TIMM17A: variants seen among roughly 807,000 people sequenced by gnomAD.
TIMM17A encodes the protein translocase of inner mitochondrial membrane 17A.
A neutral mutation model predicts 26.5 loss-of-function variants in TIMM17A; 15 were observed. That is an observed-to-expected ratio of 0.57 (90% CI 0.38 to 0.87). TIMM17A has a LOEUF of 0.87. TIMM17A is among the 40% of genes least tolerant of loss of function. TIMM17A has a pLI of 0.00. For missense variants in TIMM17A, 201 were observed against 210.0 expected (o/e 0.96, Z 0.27); for synonymous variants, 80 against 70.8 (o/e 1.13, Z -0.66).
intron 5 of TIMM17A, among the ~76,000 whole-genome samples, chr1:201,968,243 C>T (rs573333244): frequency 6.6e-6 from 1 of 151,532 alleles, no homozygotes; most frequent in South Asian, 2.1e-4. Flanking sequence ...CCTCGTGATC[C>T]GCCCGCCTTG....
At chr1:201,968,083 G>A (rs1222564418) in intron 5 of TIMM17A, among the ~76,000 whole-genome samples, 11 of 152,060 alleles carry the variant, frequency 7.2e-5, no homozygotes, top group Non-Finnish European at 1.5e-5. Context: ...TGCACCCTCC[G>A]CCTCCGGGGT....
Position 201,959,325 on chromosome 1 carries a change from C to A in TIMM17A, c.190+1751C>A, listed in dbSNP as rs182331948. Among the ~76,000 whole-genome samples, 924 of 151,532 alleles carry A rather than the reference C, an allele frequency of 6.1e-3. 12 individuals are homozygous for A. Among genetic ancestry groups the A allele is most frequent in the African/African-American group, 0.021 (877 of 41,268 alleles). On this transcript the variant is annotated intron_variant, in intron 3 of 5. Transcript: ENST00000367287. Reference sequence around the variant, plus strand: ...GAGCCGAGATTGCACCACTGTACTCCAGGCGGGGTGACAGAGCAAGACTCT... The same window carrying A: ...GAGCCGAGATTGCACCACTGTACTCAAGGCGGGGTGACAGAGCAAGACTCT...
Position 201,965,518 on chromosome 1 carries a change from A to G in TIMM17A, c.405A>G (p.Arg135=). The G allele has an allele frequency of 6.2e-7, 1 of 1,613,836 alleles. No individual in the cohort carries two copies. Among genetic ancestry groups the G allele is most frequent in the South Asian group, 1.1e-5 (1 of 91,072 alleles). The change falls in exon 5 of 6, where the codon AGA becomes AGG. Residue 135 remains arginine, a synonymous_variant. Transcript: ENST00000367287. ...LIEGAGILLT[R]FASAQFPNGP... is the part of the protein sequence containing the mutation. Reference sequence around the variant, plus strand: ...AAGGAGCTGGTATCTTGTTGACAAGATTTGCCTCTGCACAGTTTCCCAATG... The same window carrying G: ...AAGGAGCTGGTATCTTGTTGACAAGGTTTGCCTCTGCACAGTTTCCCAATG...
At chr1:201,963,501 ATTTG>A in intron 3 of TIMM17A, 111 bp from the exon 4 acceptor site, 3 of 1,030,768 alleles carry the variant, frequency 2.9e-6, no homozygotes, top group East Asian at 2.6e-5. Context: ...GTTTGCATGT[ATTTG>A]TTTGGACTAT....
chr1:201,956,992 G>A (rs1400370476), intron 1 of TIMM17A, among the ~76,000 whole-genome samples: 4 of 151,790 alleles, frequency 2.6e-5, no homozygotes, highest in African/African-American at 9.7e-5. Flanking sequence ...AAAATAATGG[G>A]TTTTCATTTA....
At chr1:201,965,372 T>G in intron 4 of TIMM17A, 61 bp from the exon 5 acceptor site, 1 of 1,186,282 alleles carries the variant, frequency 8.4e-7, no homozygotes, top group Non-Finnish European at 1.3e-6. Context: ...TCTTCTTTAC[T>G]ATCTCTTACA....
chr1:201,967,020 TATATATA>T (rs1328417894), intron 5 of TIMM17A, among the ~76,000 whole-genome samples: 1 of 123,594 alleles, frequency 8.1e-6, no homozygotes, highest in African/African-American at 3.0e-5. Context: ...TGTGTGTATA[TATATATA>T]GTGAGGATAG....
chr1:201,969,467 A>G lies in TIMM17A; in HGVS notation c.431-2A>G. The G allele has an allele frequency of 6.2e-7, 1 of 1,610,340 alleles. No individual in the cohort carries two copies. Among genetic ancestry groups the G allele is most frequent in the African/African-American group, 1.3e-5 (1 of 74,970 alleles). On this transcript the variant is annotated splice_acceptor_variant, in intron 5 of 5. Transcript: ENST00000367287. LOFTEE classifies it high-confidence loss of function. ...TAAATCCTTTTTATTTCTCACTTGC[A>G]GGTCCTCAGTTTGCAGAAGACCCCT... is the stretch of plus-strand genomic sequence containing the variant.
chr1:201,964,635 CTTTTTTTTTTTTTTTTTT>C (rs570309464), intron 4 of TIMM17A, among the ~76,000 whole-genome samples: 1 of 90,954 alleles, frequency 1.1e-5, no homozygotes, highest in Non-Finnish European at 2.0e-5. Flanking sequence ...TATTTTATTT[CTTTTTTTTTTTTTTTTTT>C]TTTTTTTTTT....
intron 1 of TIMM17A, 151 bp from the exon 2 acceptor site, chr1:201,957,129 AT>A: frequency 1.7e-6 from 1 of 592,544 alleles, no homozygotes; most frequent in Middle Eastern, 2.9e-4. Context: ...TGATTACAGC[AT>A]TTCCTCAAGT....
Position 201,970,465 on chromosome 1 carries a change from G to A in TIMM17A, c.*911G>A, listed in dbSNP as rs530781856. On this transcript the variant is annotated 3_prime_UTR_variant, in exon 6 of 6. Coordinates refer to ENST00000367287, the MANE Select transcript of TIMM17A (RefSeq NM_006335.3). The stretch of plus-strand genomic sequence containing the variant: ...ATTGGAAGTGACATGTGGCCCTATA[G>A]GAGGCATGATGTTAGTTAATTACAC... The A allele has an allele frequency of 3.3e-5, 5 of 152,316 alleles. No homozygotes were observed. Among genetic ancestry groups the A allele is most frequent in the South Asian group, 2.1e-4 (1 of 4,830 alleles). 9.4% of individuals were successfully genotyped at this position (152,316 alleles called of 1,614,324 possible).
intron 3 of TIMM17A, among the ~76,000 whole-genome samples, chr1:201,960,259 G>C (rs959426555): frequency 1.6e-4 from 24 of 152,120 alleles, no homozygotes; most frequent in African/African-American, 5.3e-4. Context: ...AATTAGCCGG[G>C]TGTGGTGGCA....
At chr1:201,960,292 C>T (rs975533164) in intron 3 of TIMM17A, among the ~76,000 whole-genome samples, 10 of 151,556 alleles carry the variant, frequency 6.6e-5, no homozygotes, top group Non-Finnish European at 1.3e-4. Flanking sequence ...CCTAGCTACT[C>T]GGGAGACTGA....
At chr1:201,959,328 G>T (rs751337727) in intron 3 of TIMM17A, among the ~76,000 whole-genome samples, 1 of 145,036 alleles carries the variant, frequency 6.9e-6, no homozygotes, top group Non-Finnish European at 1.5e-5. Flanking sequence ...TGTACTCCAG[G>T]CGGGGTGACA....
Position 201,969,835 on chromosome 1 carries a change from A to C in TIMM17A, c.*281A>C. Reference sequence around the variant, plus strand: ...AAGTGCTTGAAAGATGAAGGACCAAAAGGCCAAAAAACAGTGAAATATGAT... The same window carrying C: ...AAGTGCTTGAAAGATGAAGGACCAACAGGCCAAAAAACAGTGAAATATGAT... On this transcript the variant is annotated 3_prime_UTR_variant, in exon 6 of 6. Coordinates refer to ENST00000367287, the MANE Select transcript of TIMM17A (RefSeq NM_006335.3). 4.3e-6 allele frequency: 1 copy of C among 233,840 alleles called. No individual in the cohort carries two copies. Among genetic ancestry groups the C allele is most frequent in the Non-Finnish European group, 8.3e-6 (1 of 120,278 alleles). The allele number at this position is 233,840 out of a possible 1,614,324, so 14.5% of individuals were successfully genotyped here.
intron 3 of TIMM17A, among the ~76,000 whole-genome samples, chr1:201,959,220 G>A (rs1283682829): frequency 6.6e-6 from 1 of 152,182 alleles, no homozygotes; most frequent in Non-Finnish European, 1.5e-5. Flanking sequence ...GCTGGGCCCG[G>A]TGGTGCATGC....
At position 201,959,121 on chromosome 1, in the gene TIMM17A, C is replaced by CA. The variant is rs1682477230; in HGVS notation, c.190+1548dup. 3.3e-5 allele frequency among the ~76,000 whole-genome samples: 5 copies of CA among 152,346 alleles called. No homozygotes were observed. The South Asian group carries it at 1.0e-3, about 32-fold the overall frequency. Reference sequence around the variant, plus strand: ...TTGTTTTTTGAGAGGCTGCTTCTATCACCTTACGCATTTTCAGTGAGTTAA... The same window carrying CA: ...TTGTTTTTTGAGAGGCTGCTTCTATCAACCTTACGCATTTTCAGTGAGTTAA... On this transcript the variant is annotated intron_variant, in intron 3 of 5. Transcript: ENST00000367287.
At position 201,969,967 on chromosome 1, in the gene TIMM17A, G is replaced by A. The variant is rs1022452020; in HGVS notation, c.*413G>A. The A allele has an allele frequency of 1.2e-5, 2 of 160,824 alleles. No homozygotes were observed. The highest frequency in any genetic ancestry group is 3.5e-4 in the South Asian group (2 of 5,662). The allele number at this position is 160,824 out of a possible 1,614,324, so 10.0% of individuals were successfully genotyped here. Reference sequence around the variant, plus strand: ...TCTTTTAAGATAAGTTGTAGACTTCGATGTTTCATGCTCATGTACTTCAAA... The same window carrying A: ...TCTTTTAAGATAAGTTGTAGACTTCAATGTTTCATGCTCATGTACTTCAAA... On this transcript the variant is annotated 3_prime_UTR_variant, in exon 6 of 6. Transcript: ENST00000367287.
At position 201,969,498 on chromosome 1, in the gene TIMM17A, T is replaced by G; in HGVS notation, c.460T>G (p.Leu154Val). Reference sequence around the variant, plus strand: ...TCAGTTTGCAGAAGACCCCTCCCAGTTGCCTTCAACTCAGTTACCTTCCTC... The same window carrying G: ...TCAGTTTGCAGAAGACCCCTCCCAGGTGCCTTCAACTCAGTTACCTTCCTC... Reference protein sequence around the residue: ...GPQFAEDPSQLPSTQLPSSPF... With the variant: ...GPQFAEDPSQVPSTQLPSSPF... The change falls in exon 6 of 6, where the codon TTG (leucine) becomes GTG (valine). Residue 154 changes from leucine (L) to valine (V), a missense_variant. Physicochemically the swap from Leu to Val is conservative, Grantham distance 32. Transcript: ENST00000367287. 6.2e-7 allele frequency: 1 copy of G among 1,613,986 alleles called. No individual in the cohort carries two copies. Among genetic ancestry groups the G allele is most frequent in the Non-Finnish European group, 8.5e-7 (1 of 1,179,902 alleles).
Sources: allele counts gnomAD v4.1 joint callset (sites outside exome capture counted in the v4.1 genomes callset), GRCh38; gene constraint gnomAD v4.1.1; transcripts MANE v1.5; gene names NCBI Gene and HGNC (gene_info 2026-07-23, HGNC 2026-07-21).